The following DENND4A variants were observed in gnomAD, a reference collection of about 807,000 sequenced individuals.
The protein encoded by DENND4A is C-myc promoter-binding protein.
In DENND4A, 70 loss-of-function variants were observed where a neutral mutation model predicts 199.3. The ratio of observed to expected loss-of-function variants is 0.35; its 90% CI spans 0.29 to 0.43. DENND4A has a LOEUF of 0.43. Ranked by LOEUF, DENND4A falls within the 20% of genes least tolerant of loss-of-function variation. DENND4A has a pLI of 1.00. For missense variants in DENND4A, 1,723 were observed against 2,255.8 expected, an observed-to-expected ratio of 0.76 and a Z score of 4.78; for synonymous variants, 686 against 766.9, an observed-to-expected ratio of 0.89 and a Z score of 1.74.
intron 14 of DENND4A, among the ~76,000 whole-genome samples, chr15:65,706,763 G>A (rs1319070958): frequency 3.3e-5 from 5 of 152,140 alleles, no homozygotes. Flanking sequence ...CAAAGTGCTG[G>A]GATTACAGGC....
At chr15:65,708,369 G>A (rs536964158) in intron 14 of DENND4A, among the ~76,000 whole-genome samples, 17 of 152,018 alleles carry the variant, frequency 1.1e-4, no homozygotes, top group African/African-American at 3.9e-4. Context: ...TCTCCATATT[G>A]GTGCCTACTT....
intron 11 of DENND4A, among the ~76,000 whole-genome samples, chr15:65,724,867 G>A (rs924016262): frequency 6.6e-6 from 1 of 152,130 alleles, no homozygotes; most frequent in African/African-American, 2.4e-5. Flanking sequence ...TCACTGCATA[G>A]TGCCTGTCTT....
intron 23 of DENND4A, among the ~76,000 whole-genome samples, chr15:65,679,273 T>C (rs752499885): frequency 2.0e-4 from 31 of 151,560 alleles, no homozygotes; most frequent in Non-Finnish European, 3.5e-4. Context: ...AGCTAATTTT[T>C]TGTATTTTTA....
intron 1 of DENND4A, among the ~76,000 whole-genome samples, chr15:65,785,840 G>C (rs1224169157): frequency 1.3e-5 from 2 of 151,898 alleles, no homozygotes; most frequent in African/African-American, 4.8e-5. Context: ...GGTCCATATT[G>C]GTCACTGTTC....
chr15:65,771,121 C>A, intron 1 of DENND4A: 2 of 1,486,650 alleles, frequency 1.3e-6, no homozygotes, highest in South Asian at 2.6e-5. Context: ...ACTAAACTTA[C>A]TTACAGAAAA....
At chr15:65,663,335 G>A (rs1467284872) in intron 32 of DENND4A, among the ~76,000 whole-genome samples, 1 of 151,238 alleles carries the variant, frequency 6.6e-6, no homozygotes, top group Non-Finnish European at 1.5e-5. Flanking sequence ...TCAGGCGCCT[G>A]AGTAGCTGGG....
intron 24 of DENND4A, among the ~76,000 whole-genome samples, chr15:65,674,476 A>G (rs1183567637): frequency 1.3e-5 from 2 of 152,204 alleles, no homozygotes; most frequent in Non-Finnish European, 2.9e-5. Flanking sequence ...CATTCATAAA[A>G]GTATAGCTGA....
At chr15:65,791,513 C>T (rs780133625) in intron 1 of DENND4A, among the ~76,000 whole-genome samples, 3 of 151,328 alleles carry the variant, frequency 2.0e-5, no homozygotes, top group Non-Finnish European at 4.4e-5. Flanking sequence ...GCTGGCCGCG[C>T]TCACGCAGAA....
chr15:65,696,877 G>A (rs2077163732), intron 21 of DENND4A: 1 of 321,498 alleles, frequency 3.1e-6, no homozygotes, highest in Non-Finnish European at 6.1e-6. Flanking sequence ...GTTCAAGGGT[G>A]GCACATCTCA....
chr15:65,757,192 G>A (rs935115618), intron 2 of DENND4A, among the ~76,000 whole-genome samples: 1 of 150,428 alleles, frequency 6.6e-6, no homozygotes, highest in South Asian at 2.1e-4. Flanking sequence ...CTACCACTGA[G>A]TGGGGAAATT....
At chr15:65,719,055 T>C (rs566633906) in intron 12 of DENND4A, among the ~76,000 whole-genome samples, 2 of 151,904 alleles carry the variant, frequency 1.3e-5, no homozygotes, top group Non-Finnish European at 2.9e-5. Context: ...GCTGGGATTA[T>C]AGGCATGAGG....
At chr15:65,685,714 GCA>G (rs2076754307) in intron 23 of DENND4A, among the ~76,000 whole-genome samples, 1 of 152,200 alleles carries the variant, frequency 6.6e-6, no homozygotes, top group Admixed American at 6.5e-5. Flanking sequence ...AGCAGAACTT[GCA>G]GATACAGAAG....
At chr15:65,676,141 A>AAAAAAATATATAT (rs1362535499) in intron 24 of DENND4A, among the ~76,000 whole-genome samples, 5 of 110,452 alleles carry the variant, frequency 4.5e-5, no homozygotes, top group African/African-American at 1.5e-4. Context: ...AATAAGGAAA[A>AAAAAAATATATAT]ATATATATAT....
intron 9 of DENND4A, 64 bp downstream of exon 9, chr15:65,731,578 A>C: frequency 8.0e-7 from 1 of 1,244,532 alleles, no homozygotes; most frequent in Non-Finnish European, 1.1e-6. Flanking sequence ...AGCTAGGAAA[A>C]ATAAAATATT....
chr15:65,760,603 AAG>A (rs1337016007), intron 2 of DENND4A, among the ~76,000 whole-genome samples: 8 of 151,576 alleles, frequency 5.3e-5, no homozygotes, highest in African/African-American at 1.7e-4. Flanking sequence ...AAAGAAGGGT[AAG>A]AGGCCGGGCA....
intron 20 of DENND4A, among the ~76,000 whole-genome samples, chr15:65,697,646 A>G (rs1368647178): frequency 6.6e-6 from 1 of 152,204 alleles, no homozygotes; most frequent in East Asian, 1.9e-4. Context: ...AACTACATAC[A>G]TTCACACTAC....
At chr15:65,764,491 C>T (rs868229205) in intron 1 of DENND4A, among the ~76,000 whole-genome samples, 6 of 151,936 alleles carry the variant, frequency 3.9e-5, no homozygotes, top group South Asian at 2.1e-4. Flanking sequence ...ATTAGCTGGG[C>T]GTGGAGGCAT....
At chr15:65,676,176 A>G (rs1022440491) in intron 24 of DENND4A, among the ~76,000 whole-genome samples, 3 of 148,126 alleles carry the variant, frequency 2.0e-5, no homozygotes, top group African/African-American at 4.9e-5. Flanking sequence ...ACCTATACCT[A>G]TATTTTTAAA....
intron 1 of DENND4A, among the ~76,000 whole-genome samples, chr15:65,775,071 C>T (rs2077244473): frequency 6.6e-6 from 1 of 152,034 alleles, no homozygotes; most frequent in African/African-American, 2.4e-5. Flanking sequence ...TAAGCTCTAC[C>T]ATTTTCAGTC....
Sources: gnomAD v4.1 joint callset for allele counts (sites outside exome capture counted in the v4.1 genomes callset) on GRCh38, gnomAD v4.1.1 for gene constraint, MANE v1.5 for transcripts, NCBI Gene and HGNC (gene_info 2026-07-23, HGNC 2026-07-21) for gene names.